ERMARD: variants seen among roughly 807,000 people sequenced by gnomAD.
ERMARD encodes the protein ER membrane associated RNA degradation.
ERMARD carries 71 observed loss-of-function variants against 83.9 expected under a neutral mutation model. The observed-to-expected ratio is 0.85, with a 90% CI of 0.70 to 1.03. The LOEUF (loss-of-function observed/expected upper bound fraction) is 1.03, where lower values mean the gene tolerates loss of function less well. Ranked by LOEUF, ERMARD falls within the 50% of genes least tolerant of loss-of-function variation. ERMARD has a pLI of 0.00. For missense variants in ERMARD, 838 were observed against 810.9 expected, an observed-to-expected ratio of 1.03 and a Z score of -0.41; for synonymous variants, 284 against 298.6, an observed-to-expected ratio of 0.95 and a Z score of 0.50.
At chr6:169,758,692 A>G (rs917559653) in intron 5 of ERMARD, among the ~76,000 whole-genome samples, 2 of 152,162 alleles carry the variant, frequency 1.3e-5, no homozygotes, top group African/African-American at 2.4e-5. Context: ...CCTTGGTTTC[A>G]CCTTTCCATG....
chr6:169,756,432 T>C lies in ERMARD; in HGVS notation c.410T>C (p.Leu137Ser), dbSNP rs764239580. 4 of 1,605,592 alleles carry C rather than the reference T, an allele frequency of 2.5e-6. No homozygotes were observed. In the South Asian group the frequency reaches 4.5e-5, roughly 18 times the overall value. Residue 137 changes from leucine to serine, a missense_variant, in exon 4 of 18, where the codon TTG (leucine) becomes TCG (serine). Transcript: ENST00000366773. ...MKLTSCLERA[L>S]GDVFLLIGKE... ...CTGACATCGTGTCTAGAACGAGCCT[T>C]GGGTGATGTAAGTGTGAGAACTCTT... is the stretch of plus-strand genomic sequence containing the variant.
At chr6:169,761,325 TCCCA>T (rs1246184332) in intron 8 of ERMARD, among the ~76,000 whole-genome samples, 3 of 152,196 alleles carry the variant, frequency 2.0e-5, no homozygotes, top group Admixed American at 6.5e-5. Flanking sequence ...CAAGCAGTCC[TCCCA>T]CCTCAGCCTC....
At chr6:169,767,957 T>A in intron 10 of ERMARD, 146 bp from the exon 11 acceptor site, 1 of 637,234 alleles carries the variant, frequency 1.6e-6, no homozygotes, top group Non-Finnish European at 2.8e-6. Context: ...AACACCTGTT[T>A]GCTGAATTTT....
At chr6:169,765,595 A>G (rs1792096352) in intron 9 of ERMARD, among the ~76,000 whole-genome samples, 1 of 152,250 alleles carries the variant, frequency 6.6e-6, no homozygotes, top group Non-Finnish European at 1.5e-5. Flanking sequence ...TAGACGTTGG[A>G]TATTTAGAAC....
rs1190179098 is a variant in ERMARD, at chr6:169,760,020, T to C, written c.742+46T>C. The C allele has an allele frequency of 2.5e-6, 4 of 1,611,362 alleles. No homozygotes were observed. The Admixed American group carries it at 5.0e-5, about 20-fold the overall frequency. On this transcript the variant is annotated intron_variant, in intron 7 of 17. Transcript: ENST00000366773. ...TTTTCCTTATAGCTTTGCGTAGATA[T>C]TTGCAAAGTCAGTAAACAGCATTAA...
At chr6:169,756,634 G>C (rs1790851618) in intron 4 of ERMARD, 85 bp from the exon 5 acceptor site, 2 of 1,236,868 alleles carry the variant, frequency 1.6e-6, no homozygotes, top group African/African-American at 1.5e-5. Context: ...CCCTTCATTT[G>C]TACAAACAGT....
chr6:169,755,407 G>T lies in ERMARD; in HGVS notation c.300G>T (p.Trp100Cys), dbSNP rs755960732. 1.4e-5 allele frequency: 23 copies of T among 1,613,954 alleles called. 1 individual carries two copies. The South Asian group carries it at 2.4e-4, about 17-fold the overall frequency. ...TTCGATATGCACCGTGGTTCCAGTGGACAAGTTTTCCAGAGGTTTGGCTTT... is the reference window on the plus strand; with the variant it reads ...TTCGATATGCACCGTGGTTCCAGTGTACAAGTTTTCCAGAGGTTTGGCTTT... ...FEIRYAPWFQ[W>C]TSFPELFPEI... Residue 100 changes from tryptophan to cysteine, a missense_variant, in exon 3 of 18, where the codon TGG becomes TGT. Physicochemically the swap from Trp to Cys is radical, Grantham distance 215. Transcript: ENST00000366773.
chr6:169,780,544 A>C (rs1794085740), intron 17 of ERMARD, among the ~76,000 whole-genome samples: 2 of 152,206 alleles, frequency 1.3e-5, no homozygotes, highest in East Asian at 3.8e-4. Flanking sequence ...CTTAAGTAAA[A>C]TCTCTTTAAC....
At chr6:169,751,621 C>G (rs748319299), upstream of ERMARD, 4 of 1,578,634 alleles carry the variant, frequency 2.5e-6, no homozygotes, top group Non-Finnish European at 3.4e-6. Context: ...CAGGCGCCTG[C>G]GTCATTCACG....
chr6:169,781,411 C>T lies in ERMARD; in HGVS notation c.1935C>T (p.Ile645=), dbSNP rs1002646707. ...SYEKNKWNET[I]NLTHTALLKM... Reference sequence around the variant, plus strand: ...AAAAGAACAAGTGGAATGAAACTATCAATCTTACACATACAGCTTTGTTGA... The same window carrying T: ...AAAAGAACAAGTGGAATGAAACTATTAATCTTACACATACAGCTTTGTTGA... The change falls in exon 18 of 18, where the codon ATC becomes ATT. Residue 645 remains isoleucine, a synonymous_variant. Transcript: ENST00000366773. The T allele has an allele frequency of 1.2e-6, 2 of 1,613,380 alleles. No individual in the cohort carries two copies. The highest frequency in any genetic ancestry group is 2.7e-5 in the African/African-American group (2 of 75,022).
At chr6:169,773,779 T>C (rs1793259286) in intron 13 of ERMARD, among the ~76,000 whole-genome samples, 1 of 152,244 alleles carries the variant, frequency 6.6e-6, no homozygotes, top group South Asian at 2.1e-4. Flanking sequence ...CTACACGGAC[T>C]AGCTTTTGTT....
chr6:169,762,300 C>T (rs1014593484), intron 8 of ERMARD, 129 bp from the exon 9 acceptor site: 1 of 799,164 alleles, frequency 1.3e-6, no homozygotes, highest in African/African-American at 1.8e-5. Flanking sequence ...GTCTTGAACT[C>T]CTAGCCTCAA....
intron 13 of ERMARD, among the ~76,000 whole-genome samples, chr6:169,774,553 G>C (rs988990508): frequency 1.3e-5 from 2 of 152,132 alleles, no homozygotes; most frequent in African/African-American, 4.8e-5. Flanking sequence ...TGGCTATTTT[G>C]GGTACTTACC....
Position 169,776,017 on chromosome 6 carries a change from C to T in ERMARD, c.1472C>T (p.Pro491Leu), listed in dbSNP as rs756529465. The change falls in exon 15 of 18, where the codon CCT (proline) becomes CTT (leucine). Residue 491 changes from proline to leucine, a missense_variant. Pro to Leu is a moderately conservative substitution (Grantham distance 98). Coordinates refer to ENST00000366773, the MANE Select transcript of ERMARD (RefSeq NM_018341.3). ...KMTDELYHHM[P>L]ENRCVLKDLD... The stretch of plus-strand genomic sequence containing the variant: ...ACGGATGAGCTGTATCACCATATGC[C>T]TGAGAATCGTTGTGTGTTAAAGGAC... 1 of 1,614,212 alleles carries T rather than the reference C, an allele frequency of 6.2e-7. No homozygotes were observed. Among genetic ancestry groups the T allele is most frequent in the South Asian group, 1.1e-5 (1 of 91,070 alleles).
chr6:169,764,096 G>T (rs1778889158), intron 9 of ERMARD, among the ~76,000 whole-genome samples: 1 of 152,164 alleles, frequency 6.6e-6, no homozygotes, highest in Admixed American at 6.5e-5. Flanking sequence ...CCACTCAGTG[G>T]CCAGCACAGC....
intron 10 of ERMARD, chr6:169,767,687 CCA>C (rs751342579): frequency 7.2e-5 from 16 of 222,270 alleles, no homozygotes; most frequent in East Asian, 5.2e-4. Context: ...CATGCACACA[CCA>C]CACACGAACT....
chr6:169,757,335 CAT>C (rs1444014448), intron 5 of ERMARD, among the ~76,000 whole-genome samples: 1 of 152,184 alleles, frequency 6.6e-6, no homozygotes, highest in Non-Finnish European at 1.5e-5. Flanking sequence ...TCCTCCAGCA[CAT>C]AGAAAGCTTT....
chr6:169,756,742 A>G lies in ERMARD; in HGVS notation c.441A>G (p.Glu147=), dbSNP rs760562253. 1.2e-6 allele frequency: 2 copies of G among 1,614,032 alleles called. No individual in the cohort carries two copies. The highest frequency in any genetic ancestry group is 1.7e-6 in the Non-Finnish European group (2 of 1,180,008). Residue 147 remains glutamate (E), a synonymous_variant, in exon 5 of 18, where the codon GAA becomes GAG. Coordinates refer to ENST00000366773, the MANE Select transcript of ERMARD (RefSeq NM_018341.3). ...AGGTATTTTTACTGATTGGGAAGGA[A>G]TGCCCCTTTCTTTTAAGAGATCTGC... ...LGDVFLLIGK[E]CPFLLRDLLS... is the part of the protein sequence containing the mutation.
chr6:169,760,818 C>A, intron 8 of ERMARD, 62 bp downstream of exon 8: 2 of 1,127,812 alleles, frequency 1.8e-6, no homozygotes, highest in Non-Finnish European at 1.3e-6. Flanking sequence ...TTCTTGATGC[C>A]CTTCACTTTC....
Sources: allele counts gnomAD v4.1 joint callset (sites outside exome capture counted in the v4.1 genomes callset), GRCh38; gene constraint gnomAD v4.1.1; transcripts MANE v1.5; gene names NCBI Gene and HGNC (gene_info 2026-07-23, HGNC 2026-07-21).